SLC39A11: variants seen among roughly 807,000 people sequenced by gnomAD.
The protein encoded by SLC39A11 is zinc transporter ZIP11.
A neutral mutation model predicts 36.1 loss-of-function variants in SLC39A11; 33 were observed. The ratio of observed to expected loss-of-function variants is 0.91; its 90% CI spans 0.69 to 1.22. The LOEUF (loss-of-function observed/expected upper bound fraction) is 1.22. Among genes scored for constraint, SLC39A11 ranks in the 50% most tolerant of loss-of-function variants. The pLI, the probability that SLC39A11 is intolerant of heterozygous loss-of-function variation, is 0.00. For synonymous variants in SLC39A11, 166 were observed against 170.3 expected, an observed-to-expected ratio of 0.97 and a Z score of 0.20; for missense variants, 432 against 430.3, an observed-to-expected ratio of 1.00 and a Z score of -0.03.
chr17:72,901,457 G>A (rs1022873252), intron 5 of SLC39A11, among the ~76,000 whole-genome samples: 15 of 152,190 alleles, frequency 9.9e-5, no homozygotes, highest in Non-Finnish European at 1.9e-4. Context: ...TCCTGTCTCC[G>A]TACATAAGAA....
At chr17:72,751,315 A>T (rs1243051980) in intron 6 of SLC39A11, among the ~76,000 whole-genome samples, 1 of 152,166 alleles carries the variant, frequency 6.6e-6, no homozygotes, top group Non-Finnish European at 1.5e-5. Context: ...TTGCTATATG[A>T]AGGTAAGGAA....
rs764488451 is a variant in SLC39A11 at position 73,075,542 on chromosome 17, C to CA, written c.147+9265dup. Reference sequence around the variant, plus strand: ...GGTATAAGAGTGTAAATTCTACAGTCAGACTATGGGTTCAAATCCTGGATA... The same window carrying CA: ...GGTATAAGAGTGTAAATTCTACAGTCAAGACTATGGGTTCAAATCCTGGATA... On this transcript the variant is annotated intron_variant, in intron 3 of 9. Coordinates refer to ENST00000255559, the MANE Select transcript of SLC39A11 (RefSeq NM_139177.4). 3.6e-4 allele frequency among the ~76,000 whole-genome samples: 55 copies of CA among 152,172 alleles called. 1 individual carries two copies. The highest frequency in any genetic ancestry group is 1.5e-4 in the Non-Finnish European group (10 of 68,018).
At chr17:73,069,612 A>G (rs767483584) in intron 3 of SLC39A11, among the ~76,000 whole-genome samples, 8 of 152,260 alleles carry the variant, frequency 5.3e-5, no homozygotes, top group Non-Finnish European at 7.3e-5. Context: ...CTAAAAAGCA[A>G]TAATATGCAA....
Position 72,902,048 on chromosome 17 carries a change from GA to G in SLC39A11, c.430+45703del, listed in dbSNP as rs368703601. On this transcript the variant is annotated intron_variant, in intron 5 of 9. Transcript: ENST00000255559. ...GCACTTTGAAAGGCCGAGGCGGGTG[GA>G]TTACCTGAGGTCGAGAGTTCGAGAC... Among the ~76,000 whole-genome samples, 15 of 152,232 alleles carry G rather than the reference GA, an allele frequency of 9.9e-5. No homozygotes were observed. In the South Asian group the frequency reaches 2.9e-3, roughly 30 times the overall value.
chr17:72,897,119 A>G (rs896030588), intron 5 of SLC39A11, among the ~76,000 whole-genome samples: 4 of 151,638 alleles, frequency 2.6e-5, no homozygotes, highest in Admixed American at 6.6e-5. Context: ...GAGCACTCCA[A>G]CAACAGAAAT....
At chr17:72,693,846 TAG>T (rs916884124) in intron 7 of SLC39A11, among the ~76,000 whole-genome samples, 65 of 152,292 alleles carry the variant, frequency 4.3e-4, no homozygotes, top group African/African-American at 1.5e-3. Flanking sequence ...GTGTTTTTAG[TAG>T]AGACGGGGTT....
intron 5 of SLC39A11, among the ~76,000 whole-genome samples, chr17:72,880,567 G>T (rs983893605): frequency 6.6e-6 from 1 of 152,084 alleles, no homozygotes; most frequent in East Asian, 1.9e-4. Context: ...AAAAGGAAAA[G>T]AAAAGAAAAG....
At chr17:72,999,380 C>A (rs941447066) in intron 4 of SLC39A11, among the ~76,000 whole-genome samples, 7 of 152,126 alleles carry the variant, frequency 4.6e-5, no homozygotes, top group African/African-American at 1.7e-4. Flanking sequence ...AATTAAAAAC[C>A]AGACTGGGCT....
chr17:72,971,007 C>T (rs569327507), intron 4 of SLC39A11, among the ~76,000 whole-genome samples: 5 of 152,186 alleles, frequency 3.3e-5, no homozygotes, highest in Non-Finnish European at 7.3e-5. Flanking sequence ...CTGATCGCAG[C>T]AGCACCTTCC....
At chr17:72,750,094 T>G (rs1449528875) in intron 6 of SLC39A11, among the ~76,000 whole-genome samples, 2 of 152,074 alleles carry the variant, frequency 1.3e-5, no homozygotes, top group Non-Finnish European at 2.9e-5. Flanking sequence ...AGGAATCAGG[T>G]GAACCTCTGC....
In SLC39A11 at chr17:72,781,572, C is replaced by T. The variant is rs143704655; in HGVS notation, c.602-44853G>A. Among the ~76,000 whole-genome samples the T allele has an allele frequency of 7.1e-3, 1,086 of 152,196 alleles. 12 individuals carry two copies. The highest frequency in any genetic ancestry group is 0.024 in the African/African-American group (983 of 41,536). On this transcript the variant is annotated intron_variant, in intron 6 of 9. Transcript: ENST00000255559. ...CCGAGTGGCTGGGATTACAGGCACCCGCCACCATGCCCAGCTAATTTTTTG... is the reference window on the plus strand; with the variant it reads ...CCGAGTGGCTGGGATTACAGGCACCTGCCACCATGCCCAGCTAATTTTTTG...
At chr17:72,769,945 T>TC (rs2075878278) in intron 6 of SLC39A11, among the ~76,000 whole-genome samples, 1 of 152,306 alleles carries the variant, frequency 6.6e-6, no homozygotes, top group East Asian at 1.9e-4. Context: ...GCTTCCAGTC[T>TC]CCCTGCCTTT....
rs528629009 is a variant in SLC39A11, at chr17:72,790,781, C to T, written c.602-54062G>A. ...CTCTTGACCTCAAGTGATCCGCCTG[C>T]CTCGGCCTCCCAAAGTGCTGGGATT... On this transcript the variant is annotated intron_variant, in intron 6 of 9. Transcript: ENST00000255559. Among the ~76,000 whole-genome samples, 7 of 152,270 alleles carry T rather than the reference C, an allele frequency of 4.6e-5. No homozygotes were observed. In the South Asian group the frequency reaches 6.2e-4, roughly 14 times the overall value.
chr17:73,043,211 T>C (rs4969057), intron 3 of SLC39A11, among the ~76,000 whole-genome samples: 100,158 of 152,056 alleles, frequency 0.66, 34,107 homozygotes, highest in East Asian at 0.81. Flanking sequence ...AGGAACTTTC[T>C]AGCTGGGAAG....
rs767245986 is a variant in SLC39A11 at position 72,749,266 on chromosome 17, C to T, written c.602-12547G>A. 9.2e-5 allele frequency among the ~76,000 whole-genome samples: 14 copies of T among 152,094 alleles called. No individual in the cohort carries two copies. The East Asian group carries it at 1.2e-3, about 13-fold the overall frequency. On this transcript the variant is annotated intron_variant, in intron 6 of 9. Transcript: ENST00000255559. ...AAACACTCTGTTCCACCAATGAAGC[C>T]GTGGTGTAGAAAAGCTTGCAACCCG...
chr17:72,724,562 A>C (rs2073844664), intron 7 of SLC39A11, among the ~76,000 whole-genome samples: 2 of 152,158 alleles, frequency 1.3e-5, no homozygotes, highest in Non-Finnish European at 2.9e-5. Flanking sequence ...AGCTACAGAC[A>C]GATCAGCTCT....
At chr17:72,976,581 T>G (rs1255382550) in intron 4 of SLC39A11, among the ~76,000 whole-genome samples, 1 of 152,242 alleles carries the variant, frequency 6.6e-6, no homozygotes, top group Non-Finnish European at 1.5e-5. Context: ...CCGGGCGCGG[T>G]GGCTCACGCC....
At chr17:72,912,669 C>CAA (rs2083086348) in intron 5 of SLC39A11, among the ~76,000 whole-genome samples, 1 of 152,010 alleles carries the variant, frequency 6.6e-6, no homozygotes, top group Admixed American at 6.6e-5. Context: ...CCTGAGGGTA[C>CAA]GGGGGTGAGG....
At chr17:73,013,538 A>G (rs1023979163) in intron 4 of SLC39A11, among the ~76,000 whole-genome samples, 1 of 152,264 alleles carries the variant, frequency 6.6e-6, no homozygotes, top group African/African-American at 2.4e-5. Flanking sequence ...GAACAGGTGC[A>G]GCTGACTTGG....
Sources: allele counts gnomAD v4.1 joint callset (sites outside exome capture counted in the v4.1 genomes callset), GRCh38; gene constraint gnomAD v4.1.1; transcripts MANE v1.5; gene names NCBI Gene and HGNC (gene_info 2026-07-23, HGNC 2026-07-21).